The following ATE1 variants were observed in gnomAD, a reference collection of about 807,000 sequenced individuals.
The protein encoded by ATE1 is arginyltransferase 1.
Under a neutral mutation model 70.5 loss-of-function variants are expected in ATE1, and 36 were observed. The observed-to-expected ratio is 0.51, with a 90% confidence interval of 0.39 to 0.67. The LOEUF (loss-of-function observed/expected upper bound fraction) is 0.67, where lower values mean the gene tolerates loss of function less well. ATE1 is among the 30% of genes least tolerant of loss of function. The pLI, the probability that ATE1 is intolerant of heterozygous loss-of-function variation, is 0.00. For synonymous variants in ATE1, 232 were observed against 219.3 expected, an observed-to-expected ratio of 1.06 and a Z score of -0.51; for missense variants, 593 against 629.5, an observed-to-expected ratio of 0.94 and a Z score of 0.62.
chr10:121,755,309 T>A (rs1036036711), intron 11 of ATE1, among the ~76,000 whole-genome samples: 12 of 152,204 alleles, frequency 7.9e-5, no homozygotes, highest in African/African-American at 2.9e-4. Flanking sequence ...TGTTTTCAGC[T>A]AATACACACT....
intron 6 of ATE1, 147 bp downstream of exon 6, chr10:121,902,244 C>T: frequency 1.3e-6 from 1 of 761,784 alleles, no homozygotes; most frequent in South Asian, 2.2e-5. Flanking sequence ...ACAAATGTTA[C>T]TTCTTCCCAG....
At position 121,918,952 on chromosome 10, in the gene ATE1, C is replaced by G. The variant is rs11817453; in HGVS notation, c.233+3397G>C. ...ATTGTAAAACGCACCAATCAGTGCTCTGTGGCTAGAGGTTTGTAAAATGGA... is the reference window on the plus strand; with the variant it reads ...ATTGTAAAACGCACCAATCAGTGCTGTGTGGCTAGAGGTTTGTAAAATGGA... On this transcript the variant is annotated intron_variant, in intron 3 of 11. Coordinates refer to ENST00000224652, the MANE Select transcript of ATE1 (RefSeq NM_001001976.3). Among the ~76,000 whole-genome samples the G allele has an allele frequency of 7.1e-3, 1,076 of 152,186 alleles. 25 individuals are homozygous for G. The highest frequency in any genetic ancestry group is 0.025 in the African/African-American group (1,019 of 41,512).
intron 10 of ATE1, 78 bp from the exon 11 acceptor site, chr10:121,790,367 A>C: frequency 6.5e-7 from 1 of 1,538,294 alleles, no homozygotes; most frequent in Non-Finnish European, 8.8e-7. Flanking sequence ...GGGCTCTAGG[A>C]AAGGTTTAAA....
chr10:121,855,508 T>A (rs1181224528), intron 8 of ATE1, among the ~76,000 whole-genome samples: 1 of 152,210 alleles, frequency 6.6e-6, no homozygotes, highest in Non-Finnish European at 1.5e-5. Flanking sequence ...TTACTTGTGA[T>A]CTATAGCTAA....
chr10:121,814,738 T>G (rs17102617), intron 10 of ATE1, among the ~76,000 whole-genome samples: 3,765 of 152,304 alleles, frequency 0.025, 146 homozygotes, highest in African/African-American at 0.084. Flanking sequence ...GTGGAAAAAC[T>G]GGCTTTCATT....
rs1058058 is a variant in ATE1 at position 121,743,088 on chromosome 10, G to C, written c.*592C>G. On this transcript the variant is annotated 3_prime_UTR_variant, in exon 12 of 12. Coordinates refer to ENST00000224652, the MANE Select transcript of ATE1 (RefSeq NM_001001976.3). Reference sequence around the variant, plus strand: ...TGAACAGGACTGTCCTGAACAAATGGATACCTGATGCTAACACAAGCTCCA... The same window carrying C: ...TGAACAGGACTGTCCTGAACAAATGCATACCTGATGCTAACACAAGCTCCA... 770 of 152,322 alleles carry C rather than the reference G, an allele frequency of 5.1e-3. 5 individuals carry two copies. The highest frequency in any genetic ancestry group is 0.014 in the Middle Eastern group (4 of 294). The allele number at this position is 152,322 out of a possible 1,614,324, so 9.4% of individuals were successfully genotyped here. A position where few individuals can be genotyped will look rare whatever the true frequency, so the allele number is the denominator to read the frequency against.
At chr10:121,745,532 C>G (rs571716197) in intron 11 of ATE1, among the ~76,000 whole-genome samples, 3 of 151,994 alleles carry the variant, frequency 2.0e-5, no homozygotes, top group South Asian at 2.1e-4. Flanking sequence ...CTGGCTAACA[C>G]GGTGAAACCC....
At chr10:121,854,668 T>C (rs1224768360) in intron 8 of ATE1, among the ~76,000 whole-genome samples, 2 of 152,054 alleles carry the variant, frequency 1.3e-5, no homozygotes, top group African/African-American at 2.4e-5. Context: ...CCAGGGATGG[T>C]AGTAATGAGA....
rs1947793875 is a variant in ATE1, at chr10:121,821,467, A to G, written c.1257+15251T>C. Among the ~76,000 whole-genome samples the G allele has an allele frequency of 3.3e-5, 5 of 152,366 alleles. No homozygotes were observed. In the South Asian group the frequency reaches 1.0e-3, roughly 32 times the overall value. On this transcript the variant is annotated intron_variant, in intron 10 of 11. Transcript: ENST00000224652. The stretch of plus-strand genomic sequence containing the variant: ...GATTCTTATCTAGAAAGAACTACAG[A>G]CAACTAAGACAGACAACCTAATAGA...
At chr10:121,815,427 G>A (rs1202859384) in intron 10 of ATE1, among the ~76,000 whole-genome samples, 1 of 152,212 alleles carries the variant, frequency 6.6e-6, no homozygotes, top group Non-Finnish European at 1.5e-5. Flanking sequence ...GAGCCACCGC[G>A]CCCGGCCGGG....
At chr10:121,851,199 C>T (rs933636059) in intron 8 of ATE1, among the ~76,000 whole-genome samples, 3 of 147,480 alleles carry the variant, frequency 2.0e-5, no homozygotes, top group Admixed American at 1.4e-4. Context: ...GCGGGCAGAT[C>T]GCTTGAGTCC....
At chr10:121,827,041 GTC>G (rs920395508) in intron 10 of ATE1, among the ~76,000 whole-genome samples, 16 of 149,266 alleles carry the variant, frequency 1.1e-4, no homozygotes, top group Non-Finnish European at 2.1e-4. Flanking sequence ...TTGAGATGGA[GTC>G]TCTCTCTGTC....
chr10:121,918,621 T>G (rs1317550065), intron 3 of ATE1, among the ~76,000 whole-genome samples: 1 of 152,142 alleles, frequency 6.6e-6, no homozygotes, highest in Non-Finnish European at 1.5e-5. Flanking sequence ...TCCAATAAAT[T>G]GCTAATTGAA....
chr10:121,824,679 C>T (rs1947936238), intron 10 of ATE1, among the ~76,000 whole-genome samples: 2 of 152,084 alleles, frequency 1.3e-5, no homozygotes, highest in African/African-American at 4.8e-5. Context: ...AAACAGACCG[C>T]CTGAAATCAC....
chr10:121,909,932 TAC>T (rs1951354029), intron 5 of ATE1, among the ~76,000 whole-genome samples: 1 of 152,156 alleles, frequency 6.6e-6, no homozygotes, highest in Admixed American at 6.6e-5. Context: ...TATTCCTACC[TAC>T]TCAGGAACCT....
chr10:121,821,610 G>A (rs1169130031), intron 10 of ATE1, among the ~76,000 whole-genome samples: 3 of 152,196 alleles, frequency 2.0e-5, no homozygotes, highest in Admixed American at 2.0e-4. Flanking sequence ...GCCAGGCCCG[G>A]TGGCTCACGC....
intron 7 of ATE1, among the ~76,000 whole-genome samples, chr10:121,897,589 G>A (rs567033458): frequency 6.6e-4 from 100 of 152,266 alleles, no homozygotes; most frequent in Non-Finnish European, 1.3e-3. Flanking sequence ...AGCACTCTGG[G>A]AGGCCAAGGA....
At chr10:121,894,594 T>A (rs1950703732) in intron 7 of ATE1, among the ~76,000 whole-genome samples, 1 of 151,838 alleles carries the variant, frequency 6.6e-6, no homozygotes, top group African/African-American at 2.4e-5. Flanking sequence ...ACAAAGACAA[T>A]CCAATTAAAA....
At chr10:121,798,915 A>AG (rs1007610202) in intron 10 of ATE1, among the ~76,000 whole-genome samples, 2 of 151,360 alleles carry the variant, frequency 1.3e-5, no homozygotes, top group African/African-American at 4.9e-5. Flanking sequence ...AAAAAAAAAA[A>AG]AGGTAATGAA....
Sources: gnomAD v4.1 joint callset for allele counts (sites outside exome capture counted in the v4.1 genomes callset) on GRCh38, gnomAD v4.1.1 for gene constraint, MANE v1.5 for transcripts, NCBI Gene and HGNC (gene_info 2026-07-23, HGNC 2026-07-21) for gene names.